Variants in FGF12 observed in about 807,000 individuals in gnomAD.
FGF12 encodes the protein fibroblast growth factor 12B.
FGF12 carries 14 observed loss-of-function variants against 23.6 expected under a neutral mutation model. The observed-to-expected ratio is 0.59, with a 90% CI of 0.39 to 0.93. The LOEUF (loss-of-function observed/expected upper bound fraction) is 0.93. Ranked by LOEUF, FGF12 falls within the 40% of genes least tolerant of loss-of-function variation. FGF12 has a pLI of 0.00. For missense variants in FGF12, 175 were observed against 217.8 expected (o/e 0.80, Z 1.24); for synonymous variants, 62 against 77.3 (o/e 0.80, Z 1.04).
intron 4 of FGF12, among the ~76,000 whole-genome samples, chr3:192,258,318 C>A (rs894642924): frequency 4.6e-5 from 7 of 151,970 alleles, no homozygotes; most frequent in African/African-American, 9.7e-5. Flanking sequence ...ATTAGCCAGG[C>A]GTGGTAGTGC....
chr3:192,475,978 A>G (rs896293988), intron 2 of FGF12, among the ~76,000 whole-genome samples: 2 of 151,152 alleles, frequency 1.3e-5, no homozygotes, highest in Admixed American at 1.3e-4. Context: ...GATATATAAA[A>G]TATTTCTGAA....
At chr3:192,568,385 T>C (rs1389723899) in intron 2 of FGF12, among the ~76,000 whole-genome samples, 3 of 152,138 alleles carry the variant, frequency 2.0e-5, no homozygotes. Context: ...ACTCCTACCC[T>C]TCCGTGTGTT....
chr3:192,574,627 G>T (rs143096783), intron 2 of FGF12, among the ~76,000 whole-genome samples: 72 of 152,246 alleles, frequency 4.7e-4, no homozygotes, highest in Non-Finnish European at 8.8e-4. Context: ...CATTGCTTAG[G>T]GGGGATGAGG....
At chr3:192,436,401 C>T (rs1033276129) in intron 2 of FGF12, among the ~76,000 whole-genome samples, 9 of 152,166 alleles carry the variant, frequency 5.9e-5, no homozygotes, top group Non-Finnish European at 8.8e-5. Context: ...TAGTAAAACA[C>T]GGATCGCTGG....
intron 2 of FGF12, among the ~76,000 whole-genome samples, chr3:192,682,745 G>A (rs1005045284): frequency 2.6e-5 from 4 of 152,144 alleles, no homozygotes; most frequent in South Asian, 2.1e-4. Context: ...CTCTGGATGC[G>A]GGCTAGTCCT....
At position 192,221,876 on chromosome 3, in the gene FGF12, G is replaced by A. The variant is rs115654259; in HGVS notation, c.229-51220C>T. On this transcript the variant is annotated intron_variant, in intron 4 of 5. Coordinates refer to ENST00000445105, the MANE Select transcript of FGF12 (RefSeq NM_004113.6). ...TGATCATGATATAAATACCACCAAGGTTATATGGTGTGAGGATTCGAAGAA... is the reference window on the plus strand; with the variant it reads ...TGATCATGATATAAATACCACCAAGATTATATGGTGTGAGGATTCGAAGAA... 6.6e-3 allele frequency among the ~76,000 whole-genome samples: 1,008 copies of A among 152,168 alleles called. 4 individuals are homozygous for A. Among genetic ancestry groups the A allele is most frequent in the African/African-American group, 0.023 (965 of 41,526 alleles).
chr3:192,579,355 G>A (rs1179715760), intron 2 of FGF12, among the ~76,000 whole-genome samples: 1 of 152,060 alleles, frequency 6.6e-6, no homozygotes, highest in African/African-American at 2.4e-5. Context: ...ACAAAGAAAA[G>A]ATGAAATTGT....
rs1475426345 is a variant in FGF12, at chr3:192,141,313, C to G, written c.*2696G>C. On this transcript the variant is annotated 3_prime_UTR_variant, in exon 6 of 6. Coordinates refer to ENST00000445105, the MANE Select transcript of FGF12 (RefSeq NM_004113.6). ...TGAAGTTGGATATTATATGTTTACA[C>G]ATGGTAATATTTTTAAAAACTCAGT... is the stretch of plus-strand genomic sequence containing the variant. 1 of 151,850 alleles carries G rather than the reference C, an allele frequency of 6.6e-6. No individual in the cohort carries two copies. The highest frequency in any genetic ancestry group is 1.5e-5 in the Non-Finnish European group (1 of 67,830). The allele number at this position is 151,850 out of a possible 1,614,324, so 9.4% of individuals were successfully genotyped here.
At chr3:192,666,717 A>C (rs978546899) in intron 2 of FGF12, among the ~76,000 whole-genome samples, 4 of 152,168 alleles carry the variant, frequency 2.6e-5, no homozygotes, top group African/African-American at 9.7e-5. Context: ...TGCATATTCA[A>C]TGCAAATGTC....
intron 4 of FGF12, among the ~76,000 whole-genome samples, chr3:192,191,335 T>C (rs151162894): frequency 8.5e-5 from 13 of 152,264 alleles, no homozygotes; most frequent in African/African-American, 3.1e-4. Context: ...ACTCGCAGAA[T>C]GTAAAAAACC....
intron 2 of FGF12, among the ~76,000 whole-genome samples, chr3:192,662,816 C>T (rs950851490): frequency 6.6e-6 from 1 of 152,148 alleles, no homozygotes; most frequent in African/African-American, 2.4e-5. Context: ...CATAATTATA[C>T]TTTTTAAATA....
chr3:192,656,118 A>C (rs2108680091), intron 2 of FGF12, among the ~76,000 whole-genome samples: 1 of 152,050 alleles, frequency 6.6e-6, no homozygotes, highest in East Asian at 1.9e-4. Flanking sequence ...GCACTCAATA[A>C]ATGTATGTTA....
chr3:192,586,993 A>C (rs944926449), intron 2 of FGF12, among the ~76,000 whole-genome samples: 9 of 152,186 alleles, frequency 5.9e-5, no homozygotes, highest in South Asian at 2.1e-4. Context: ...GTCTAACATG[A>C]TAATTCTTAC....
intron 2 of FGF12, among the ~76,000 whole-genome samples, chr3:192,585,721 C>A (rs1713347475): frequency 6.6e-6 from 1 of 152,068 alleles, no homozygotes; most frequent in Non-Finnish European, 1.5e-5. Context: ...ACCAGCAAAA[C>A]AACAACAATA....
At chr3:192,460,258 C>T (rs912319612) in intron 2 of FGF12, among the ~76,000 whole-genome samples, 3 of 152,238 alleles carry the variant, frequency 2.0e-5, no homozygotes, top group Non-Finnish European at 4.4e-5. Flanking sequence ...TCTTCCTTTT[C>T]CAAAAGACTC....
At chr3:192,368,283 C>T (rs1719075287) in intron 2 of FGF12, among the ~76,000 whole-genome samples, 1 of 152,098 alleles carries the variant, frequency 6.6e-6, no homozygotes, top group Admixed American at 6.5e-5. Context: ...ATGAATATAA[C>T]TGAGGATAAA....
intron 2 of FGF12, among the ~76,000 whole-genome samples, chr3:192,574,703 C>A (rs555269170): frequency 6.6e-6 from 1 of 152,176 alleles, no homozygotes; most frequent in South Asian, 2.1e-4. Flanking sequence ...CCTACTCTAG[C>A]AACACATATT....
chr3:192,394,226 C>T (rs1031470322), intron 2 of FGF12, among the ~76,000 whole-genome samples: 3 of 152,064 alleles, frequency 2.0e-5, no homozygotes, highest in Non-Finnish European at 4.4e-5. Context: ...TAAGTTCTTC[C>T]GGGGCTGAGG....
At chr3:192,265,961 G>A (rs190961824) in intron 4 of FGF12, among the ~76,000 whole-genome samples, 1 of 152,172 alleles carries the variant, frequency 6.6e-6, no homozygotes, top group East Asian at 1.9e-4. Flanking sequence ...TGCATTGTGG[G>A]GATAAAGAAC....
Sources: allele counts gnomAD v4.1 joint callset (sites outside exome capture counted in the v4.1 genomes callset), GRCh38; gene constraint gnomAD v4.1.1; transcripts MANE v1.5; gene names NCBI Gene and HGNC (gene_info 2026-07-23, HGNC 2026-07-21).